Variants in BTN2A2 observed in about 807,000 individuals in gnomAD.
BTN2A2 encodes the protein butyrophilin subfamily 2 member A2, also known as butyrophilin 2.
Under a neutral mutation model 34.7 loss-of-function variants are expected in BTN2A2, and 29 were observed. The observed-to-expected ratio is 0.84, with a 90% CI of 0.62 to 1.14. BTN2A2 has a LOEUF of 1.14. Ranked by LOEUF, BTN2A2 falls within the 50% of genes most tolerant of loss-of-function variation. The pLI is 0.00. For synonymous variants in BTN2A2, 240 were observed against 253.1 expected (o/e 0.95, Z 0.49); for missense variants, 612 against 651.5 (o/e 0.94, Z 0.66).
Position 26,393,074 on chromosome 6 carries a change from A to AAGAGGGG in BTN2A2, c.*111_*112insGGGAGAG. ...ACGCCCTCCTCCCCTCTGGTCACGT[A>AAGAGGGG]AGAGAACATCTTCCAGCTGCCTTTT... is the stretch of plus-strand genomic sequence containing the variant. On this transcript the variant is annotated 3_prime_UTR_variant, in exon 8 of 8. Coordinates refer to ENST00000356709, the MANE Select transcript of BTN2A2 (RefSeq NM_006995.5). The AAGAGGGG allele has an allele frequency of 6.2e-7, 1 of 1,611,294 alleles. No homozygotes were observed.
At chr6:26,389,444 T>A (rs1162824558) in intron 4 of BTN2A2, among the ~76,000 whole-genome samples, 1 of 152,124 alleles carries the variant, frequency 6.6e-6, no homozygotes, top group Non-Finnish European at 1.5e-5. Context: ...TTTCCAGGAC[T>A]CCCAGGAGGT....
chr6:26,389,980 T>A, intron 4 of BTN2A2, 25 bp from the exon 5 acceptor site: 1 of 1,608,268 alleles, frequency 6.2e-7, no homozygotes, highest in Non-Finnish European at 8.5e-7. Context: ...TCAAACTAAA[T>A]GGACTTTTCT....
At chr6:26,385,478 C>T in intron 3 of BTN2A2, 116 bp downstream of exon 3, 1 of 1,057,794 alleles carries the variant, frequency 9.5e-7, no homozygotes, top group Non-Finnish European at 1.3e-6. Context: ...GTCCCCTTTC[C>T]ACAGAGAAAG....
At chr6:26,392,194 A>G in intron 7 of BTN2A2, 181 bp from the exon 8 acceptor site, 2 of 1,531,718 alleles carry the variant, frequency 1.3e-6, no homozygotes, top group South Asian at 1.2e-5. Flanking sequence ...CTCTGGAGAG[A>G]TAGAAGTGCA....
In BTN2A2 at chr6:26,385,178, A is replaced by T. The variant is rs1761109964; in HGVS notation, c.258A>T (p.Arg86Ser). The T allele has an allele frequency of 6.2e-7, 1 of 1,613,750 alleles. No individual in the cohort carries two copies. The highest frequency in any genetic ancestry group is 1.7e-5 in the Admixed American group (1 of 59,974). The change falls in exon 3 of 8, where the codon AGA becomes AGT. Residue 86 changes from arginine to serine, a missense_variant. Transcript: ENST00000356709. ...SPAVFVYKGG[R>S]ERTEEQMEEY... ...CAGTGTTTGTGTATAAGGGTGGGAG[A>T]GAGAGAACAGAGGAGCAGATGGAGG...
At chr6:26,390,457 TG>T in intron 5 of BTN2A2, 1 of 681,848 alleles carries the variant, frequency 1.5e-6, no homozygotes. Context: ...CCTGGCTATA[TG>T]CAGCACTACA....
chr6:26,385,640 T>C (rs1378781083), intron 3 of BTN2A2: 3 of 327,322 alleles, frequency 9.2e-6, no homozygotes, highest in Admixed American at 4.5e-5. Flanking sequence ...AACCTCTGCC[T>C]CCTGGGTTCA....
intron 3 of BTN2A2, 189 bp downstream of exon 3, chr6:26,385,551 T>TA: frequency 5.2e-6 from 3 of 573,370 alleles, no homozygotes; most frequent in East Asian, 3.0e-5. Flanking sequence ...AGGTTTCACT[T>TA]CTTTTTTTTT....
chr6:26,393,051 G>A lies in BTN2A2; in HGVS notation c.*84G>A, dbSNP rs1165301684. 4.3e-6 allele frequency: 7 copies of A among 1,612,114 alleles called. No homozygotes were observed. The highest frequency in any genetic ancestry group is 1.1e-5 in the South Asian group (1 of 90,796). On this transcript the variant is annotated 3_prime_UTR_variant, in exon 8 of 8. Coordinates refer to ENST00000356709, the MANE Select transcript of BTN2A2 (RefSeq NM_006995.5). ...GCACAACCCCCCTAATGAAAGACAC[G>A]CCCTCCTCCCCTCTGGTCACGTAAG...
intron 7 of BTN2A2, 135 bp downstream of exon 7, chr6:26,390,964 T>C (rs1186814999): frequency 1.4e-5 from 19 of 1,328,438 alleles, no homozygotes; most frequent in Non-Finnish European, 2.0e-5. Flanking sequence ...TCATCAACGG[T>C]GTCCCAGCAA....
intron 7 of BTN2A2, 185 bp downstream of exon 7, chr6:26,391,014 T>A: frequency 2.4e-6 from 2 of 829,530 alleles, no homozygotes; most frequent in Non-Finnish European, 4.0e-6. Flanking sequence ...CCCCAGCAGC[T>A]CTTAATGAAC....
chr6:26,390,899 G>A, intron 7 of BTN2A2, 70 bp downstream of exon 7: 6 of 1,611,360 alleles, frequency 3.7e-6, no homozygotes, highest in Non-Finnish European at 5.1e-6. Flanking sequence ...ACTCCTTAGA[G>A]GAGATGAGCA....
Position 26,393,201 on chromosome 6 carries a change from G to T in BTN2A2, c.*234G>T, listed in dbSNP as rs565523552. ...ATTATGGGATGGGATCCAGGCATAG[G>T]GAACTAGTTGTTTCATAGCTCCCAG... On this transcript the variant is annotated 3_prime_UTR_variant, in exon 8 of 8. Coordinates refer to ENST00000356709, the MANE Select transcript of BTN2A2 (RefSeq NM_006995.5). The T allele has an allele frequency of 8.7e-5, 133 of 1,524,890 alleles. No individual in the cohort carries two copies. The African/African-American group carries it at 1.6e-3, about 18-fold the overall frequency. The allele number at this position is 1,524,890 out of a possible 1,614,324, so 94.5% of individuals were successfully genotyped here.
At chr6:26,386,343 G>A (rs1218099042) in intron 3 of BTN2A2, among the ~76,000 whole-genome samples, 1 of 146,508 alleles carries the variant, frequency 6.8e-6, no homozygotes, top group African/African-American at 2.7e-5. Flanking sequence ...TGCTTTAAAA[G>A]GTATATTTCA....
At chr6:26,390,380 C>G (rs1761498406) in intron 5 of BTN2A2, 169 bp downstream of exon 5, 1 of 733,710 alleles carries the variant, frequency 1.4e-6, no homozygotes, top group Non-Finnish European at 2.2e-6. Flanking sequence ...GCTTGGAACT[C>G]TCATGTCATA....
rs1273912699 is a variant in BTN2A2 at position 26,394,470 on chromosome 6, C to G, written c.*1503C>G. The G allele has an allele frequency of 1.6e-6, 1 of 612,102 alleles. No individual in the cohort carries two copies. The highest frequency in any genetic ancestry group is 3.0e-6 in the Non-Finnish European group (1 of 336,084). The allele number at this position is 612,102 out of a possible 1,614,324, so 37.9% of individuals were successfully genotyped here. A position where few individuals can be genotyped will look rare whatever the true frequency, so the allele number is the denominator to read the frequency against. ...AAAGGCAGAGGAAAGGCAAATTCTTCTCTCCTCTGGAGCTGAGACACTCTT... is the reference window on the plus strand; with the variant it reads ...AAAGGCAGAGGAAAGGCAAATTCTTGTCTCCTCTGGAGCTGAGACACTCTT... On this transcript the variant is annotated 3_prime_UTR_variant, in exon 8 of 8. Transcript: ENST00000356709.
intron 3 of BTN2A2, 62 bp downstream of exon 3, chr6:26,385,424 C>T: frequency 6.7e-6 from 10 of 1,487,992 alleles, no homozygotes; most frequent in Non-Finnish European, 6.4e-6. Flanking sequence ...AAAGTTTCTC[C>T]CTTAACCTCA....
chr6:26,387,473 G>T (rs1343006309), intron 3 of BTN2A2, among the ~76,000 whole-genome samples: 1 of 151,348 alleles, frequency 6.6e-6, no homozygotes, highest in Admixed American at 6.6e-5. Context: ...GCCCATGCCT[G>T]TAATCCCAGC....
At chr6:26,388,893 G>A (rs1243427561) in intron 4 of BTN2A2, among the ~76,000 whole-genome samples, 1 of 152,188 alleles carries the variant, frequency 6.6e-6, no homozygotes, top group Non-Finnish European at 1.5e-5. Context: ...AGGCCAAGGT[G>A]GTTGGATCAT....
Sources: gnomAD v4.1 joint callset for allele counts (sites outside exome capture counted in the v4.1 genomes callset) on GRCh38, gnomAD v4.1.1 for gene constraint, MANE v1.5 for transcripts, NCBI Gene and HGNC (gene_info 2026-07-23, HGNC 2026-07-21) for gene names.